PPFIA3: variants seen among roughly 807,000 people sequenced by gnomAD.
The protein encoded by PPFIA3 is PPFI scaffold protein A3, also known as liprin-alpha-3.
PPFIA3 carries 26 observed loss-of-function variants against 145.8 expected under a neutral mutation model. The ratio of observed to expected loss-of-function variants is 0.18; its 90% CI spans 0.13 to 0.25. The LOEUF (loss-of-function observed/expected upper bound fraction) is 0.25, where lower values mean the gene tolerates loss of function less well. Ranked by LOEUF, PPFIA3 falls within the 10% of genes least tolerant of loss-of-function variation. The probability of loss-of-function intolerance (pLI) is 1.00; values close to 1 mark genes in which losing one functional copy is unlikely to be tolerated. For missense variants in PPFIA3, 1,008 were observed against 1,587.8 expected (o/e 0.63, Z 6.21); for synonymous variants, 645 against 661.4 (o/e 0.98, Z 0.38).
chr19:49,146,672 G>C (rs927146054), intron 23 of PPFIA3, among the ~76,000 whole-genome samples: 1 of 152,184 alleles, frequency 6.6e-6, no homozygotes, highest in African/African-American at 2.4e-5. Flanking sequence ...GCTCACGCCT[G>C]TAATTCCAGC....
In PPFIA3 at chr19:49,130,354, T is replaced by C. The variant is rs1371468861; in HGVS notation, c.658-24T>C. 1.9e-6 allele frequency: 3 copies of C among 1,566,228 alleles called. No individual in the cohort carries two copies. The highest frequency in any genetic ancestry group is 2.6e-6 in the Non-Finnish European group (3 of 1,151,978). On this transcript the variant is annotated intron_variant, in intron 6 of 29. Coordinates refer to ENST00000334186, the MANE Select transcript of PPFIA3 (RefSeq NM_003660.4). The surrounding 1 kb of genome is among the most constrained non-coding windows in gnomAD (Gnocchi z 4.5). ...TGTCTCCGGAGACACTCTGGGATCT[T>C]GTCCCCTCCTTCCCTCACTCCAGAC... is the stretch of plus-strand genomic sequence containing the variant.
chr19:49,149,469 AG>A lies in PPFIA3; in HGVS notation c.3355-77del. On this transcript the variant is annotated intron_variant, in intron 27 of 29. Coordinates refer to ENST00000334186, the MANE Select transcript of PPFIA3 (RefSeq NM_003660.4). This position sits in a 1 kb window ranked among gnomAD's most constrained non-coding sequence, Gnocchi z 5.7. ...GGGTTAAAGGAGAGGTGAGACCCGG[AG>A]AGGGGTGGAGTCAAAGGAAGGGGCG... 6.3e-7 allele frequency: 1 copy of A among 1,591,940 alleles called. No individual in the cohort carries two copies. Among genetic ancestry groups the A allele is most frequent in the Non-Finnish European group, 8.6e-7 (1 of 1,162,650 alleles).
rs145252310 is a variant in PPFIA3 at position 49,141,428 on chromosome 19, C to A, written c.2377C>A (p.Pro793Thr). ...CCCCTCCCTGCCTCCAGCTGGAACA[C>A]CCTCAGATGAGACACTGGCCACTGA... Reference protein sequence around the residue: ...GRDSSSLAGTPSDETLATDPL... With the variant: ...GRDSSSLAGTTSDETLATDPL... Residue 793 changes from proline (P) to threonine (T), a missense_variant, in exon 19 of 30, where the codon CCC becomes ACC. Pro to Thr is a conservative substitution (Grantham distance 38). Coordinates refer to ENST00000334186, the MANE Select transcript of PPFIA3 (RefSeq NM_003660.4). 1.6e-3 allele frequency: 2,527 copies of A among 1,613,854 alleles called. 2 individuals are homozygous for A. The highest frequency in any genetic ancestry group is 2.0e-3 in the Non-Finnish European group (2,352 of 1,179,866).
At position 49,138,346 on chromosome 19, in the gene PPFIA3, C is replaced by A; in HGVS notation, c.1995C>A (p.Ala665=). The change falls in exon 16 of 30, where the codon GCC becomes GCA. Residue 665 remains alanine (A), a synonymous_variant. Coordinates refer to ENST00000334186, the MANE Select transcript of PPFIA3 (RefSeq NM_003660.4). ...CCTCCCTCACCACCTCTACCCTTGC[C>A]AGCCCCTCCCCTCCCAGCTCTGGCC... The part of the protein sequence containing the change: ...LPPSLTTSTL[A]SPSPPSSGHS... 1.2e-6 allele frequency: 2 copies of A among 1,610,270 alleles called. No homozygotes were observed.
At position 49,148,869 on chromosome 19, in the gene PPFIA3, C is replaced by A. The variant is rs533074224; in HGVS notation, c.3109+106C>A. The A allele has an allele frequency of 1.8e-5, 23 of 1,299,294 alleles. No homozygotes were observed. The African/African-American group carries it at 6.2e-4, about 35-fold the overall frequency. 80.5% of individuals were successfully genotyped at this position (1,299,294 alleles called of 1,614,324 possible). A position where few individuals can be genotyped will look rare whatever the true frequency, so the allele number is the denominator to read the frequency against. On this transcript the variant is annotated intron_variant, in intron 25 of 29. Coordinates refer to ENST00000334186, the MANE Select transcript of PPFIA3 (RefSeq NM_003660.4). ...CCGGAGAAGCAAATTGGCACCATAACCGTGGGGGTGGAGCCAGCGTGGGGG... is the reference window on the plus strand; with the variant it reads ...CCGGAGAAGCAAATTGGCACCATAAACGTGGGGGTGGAGCCAGCGTGGGGG...
chr19:49,128,378 T>C lies in PPFIA3; in HGVS notation c.252T>C (p.Ala84=). The change falls in exon 3 of 30, where the codon GCT becomes GCC. Residue 84 remains alanine (A), a synonymous_variant. Transcript: ENST00000334186. This position sits in a 1 kb window ranked among gnomAD's most constrained non-coding sequence, Gnocchi z 4.1. ...CAATGTCTGGACAGGAGTTTGCAGCTCTGACGAAGGAGCTGAACTTATGTC... is the reference window on the plus strand; with the variant it reads ...CAATGTCTGGACAGGAGTTTGCAGCCCTGACGAAGGAGCTGAACTTATGTC... The part of the protein sequence containing the change: ...LSIALPQEFA[A]LTKELNLCRE... 6.2e-7 allele frequency: 1 copy of C among 1,613,834 alleles called. No individual in the cohort carries two copies. Among genetic ancestry groups the C allele is most frequent in the Middle Eastern group, 1.6e-4 (1 of 6,062 alleles).
In PPFIA3 at chr19:49,133,333, G is replaced by A; in HGVS notation, c.1123G>A (p.Glu375Lys). Reference protein sequence around the residue: ...LQKAETLPEIEAQLAQRVAAL... With the variant: ...LQKAETLPEIKAQLAQRVAAL... ...GAAAGCGGAGACCTTGCCCGAGATA[G>A]AGGCGCAGCTGGCGCAGCGCGTGGC... Residue 375 changes from glutamate to lysine, a missense_variant, in exon 9 of 30, where the codon GAG becomes AAG. By Grantham distance (56) the Glu-to-Lys change is moderately conservative. Coordinates refer to ENST00000334186, the MANE Select transcript of PPFIA3 (RefSeq NM_003660.4). The surrounding 1 kb of genome is among the most constrained non-coding windows in gnomAD (Gnocchi z 7.2). 1 of 1,609,252 alleles carries A rather than the reference G, an allele frequency of 6.2e-7. No individual in the cohort carries two copies. Among genetic ancestry groups the A allele is most frequent in the South Asian group, 1.1e-5 (1 of 90,904 alleles).
rs1331867348 is a variant in PPFIA3, at chr19:49,133,199, C to T, written c.1027-38C>T. ...GGGGGCGGTGCCGGGGCCCAAGTGA[C>T]CCAGCCCGTCCCCTCCCCCTGCCTC... On this transcript the variant is annotated intron_variant, in intron 8 of 29. Transcript: ENST00000334186. This position sits in a 1 kb window ranked among gnomAD's most constrained non-coding sequence, Gnocchi z 7.2. 2 of 1,584,450 alleles carry T rather than the reference C, an allele frequency of 1.3e-6. No individual in the cohort carries two copies. The highest frequency in any genetic ancestry group is 2.7e-5 in the African/African-American group (2 of 73,940).
At position 49,128,256 on chromosome 19, in the gene PPFIA3, A is replaced by T. The variant is rs1274137695; in HGVS notation, c.241-111A>T. The T allele has an allele frequency of 4.0e-6, 6 of 1,487,836 alleles. No homozygotes were observed. The allele number at this position is 1,487,836 out of a possible 1,614,324, so 92.2% of individuals were successfully genotyped here. Reference sequence around the variant, plus strand: ...ATGGGCGGGGCCTGAGTGGCAAGGGACAGCGGGACTTAGCAGGGAGGGCGG... The same window carrying T: ...ATGGGCGGGGCCTGAGTGGCAAGGGTCAGCGGGACTTAGCAGGGAGGGCGG... On this transcript the variant is annotated intron_variant, in intron 2 of 29. Transcript: ENST00000334186. This position sits in a 1 kb window ranked among gnomAD's most constrained non-coding sequence, Gnocchi z 4.1.
chr19:49,149,148 A>G lies in PPFIA3; in HGVS notation c.3265A>G (p.Ile1089Val). 1 of 1,614,028 alleles carries G rather than the reference A, an allele frequency of 6.2e-7. No homozygotes were observed. Among genetic ancestry groups the G allele is most frequent in the Non-Finnish European group, 8.5e-7 (1 of 1,179,966 alleles). The change falls in exon 26 of 30, where the codon ATC becomes GTC. Residue 1089 changes from isoleucine (I) to valine (V), a missense_variant. Ile to Val is a conservative substitution (Grantham distance 29). Transcript: ENST00000334186. This position sits in a 1 kb window ranked among gnomAD's most constrained non-coding sequence, Gnocchi z 5.7. ...CTCCGACCTGGCCTTGCTCCTGCAGATCCCCACGCAGAATGCACAGGTGAG... is the reference window on the plus strand; with the variant it reads ...CTCCGACCTGGCCTTGCTCCTGCAGGTCCCCACGCAGAATGCACAGGTGAG... ...DYSDLALLLQIPTQNAQARQL... is the reference protein window; with the variant it reads ...DYSDLALLLQVPTQNAQARQL...
intron 13 of PPFIA3, 43 bp downstream of exon 13, chr19:49,134,958 T>A (rs567712624): frequency 6.7e-7 from 1 of 1,496,450 alleles, no homozygotes; most frequent in East Asian, 2.3e-5. Flanking sequence ...TGGAGCCCCG[T>A]TGGCCAAGCG....
Position 49,149,396 on chromosome 19 carries a change from GC to G in PPFIA3, c.3354+73del, listed in dbSNP as rs1314158018. The G allele has an allele frequency of 6.3e-7, 1 of 1,599,144 alleles. No individual in the cohort carries two copies. ...CGAGAGGCTGAGCTGAGGGGGCGGG[GC>G]CTGACTATTAATGGTCACGGTTGGA... On this transcript the variant is annotated intron_variant, in intron 27 of 29. Transcript: ENST00000334186. This position sits in a 1 kb window ranked among gnomAD's most constrained non-coding sequence, Gnocchi z 5.7.
In PPFIA3 at chr19:49,150,448, G is replaced by T. The variant is rs867746122; in HGVS notation, c.*226G>T. 2.3e-5 allele frequency: 7 copies of T among 300,128 alleles called. No homozygotes were observed. Among genetic ancestry groups the T allele is most frequent in the South Asian group, 1.1e-4 (1 of 9,040 alleles). The allele number at this position is 300,128 out of a possible 1,614,324, so 18.6% of individuals were successfully genotyped here. The stretch of plus-strand genomic sequence containing the variant: ...GACTGAGAGGGGGAAGAAGCGGGGA[G>T]GAAGAAATCCCGCCCCAAACGTCCG... On this transcript the variant is annotated 3_prime_UTR_variant, in exon 30 of 30. Transcript: ENST00000334186.
chr19:49,133,415 G>A lies in PPFIA3; in HGVS notation c.1161+44G>A. 3 of 1,531,944 alleles carry A rather than the reference G, an allele frequency of 2.0e-6. No individual in the cohort carries two copies. The highest frequency in any genetic ancestry group is 2.8e-5 in the African/African-American group (2 of 72,342). 94.9% of individuals were successfully genotyped at this position (1,531,944 alleles called of 1,614,324 possible). A position where few individuals can be genotyped will look rare whatever the true frequency, so the allele number is the denominator to read the frequency against. On this transcript the variant is annotated intron_variant, in intron 9 of 29. Transcript: ENST00000334186. The surrounding 1 kb of genome is among the most constrained non-coding windows in gnomAD (Gnocchi z 7.2). ...TCGGGGCCTTGCGTGGGGAAGGGGT[G>A]GGGCCTAGAGGAGGCGGGGCCGTGA...
chr19:49,136,894 C>T lies in PPFIA3; in HGVS notation c.1836C>T (p.Ala612=). Reference sequence around the variant, plus strand: ...TCATGCTTCAGGAGCAGCTGGAGGCCATCAACAAGGAGATCAAGTGAGCCC... The same window carrying T: ...TCATGCTTCAGGAGCAGCTGGAGGCTATCAACAAGGAGATCAAGTGAGCCC... The part of the protein sequence containing the change: ...LAIMLQEQLE[A]INKEIKLIQE... Residue 612 remains alanine, a synonymous_variant, in exon 15 of 30, where the codon GCC becomes GCT. Coordinates refer to ENST00000334186, the MANE Select transcript of PPFIA3 (RefSeq NM_003660.4). 1 of 1,557,536 alleles carries T rather than the reference C, an allele frequency of 6.4e-7. No homozygotes were observed. Among genetic ancestry groups the T allele is most frequent in the African/African-American group, 1.4e-5 (1 of 74,014 alleles).
Position 49,130,044 on chromosome 19 carries a change from C to T in PPFIA3, c.634C>T (p.Pro212Ser), listed in dbSNP as rs749872190. 1 of 1,613,076 alleles carries T rather than the reference C, an allele frequency of 6.2e-7. No individual in the cohort carries two copies. Among genetic ancestry groups the T allele is most frequent in the Non-Finnish European group, 8.5e-7 (1 of 1,179,688 alleles). ...LSRRRSGLEEPGKDGDGQTLA... is the reference protein window; with the variant it reads ...LSRRRSGLEESGKDGDGQTLA... The stretch of plus-strand genomic sequence containing the variant: ...TAGGCGGCGGTCAGGGCTGGAAGAG[C>T]CGGGCAAGGATGGGGATGGGCAGGT... Residue 212 changes from proline (P) to serine (S), a missense_variant, in exon 6 of 30, where the codon CCG becomes TCG. Physicochemically the swap from Pro to Ser is moderately conservative, Grantham distance 74. Around this residue, in one of 11 missense-constraint regions of PPFIA3, gnomAD observed 136 missense variants for 160.7 expected, o/e 0.85. Coordinates refer to ENST00000334186, the MANE Select transcript of PPFIA3 (RefSeq NM_003660.4). The surrounding 1 kb of genome is among the most constrained non-coding windows in gnomAD (Gnocchi z 4.5).
chr19:49,138,916 A>G (rs1364309142), intron 16 of PPFIA3, among the ~76,000 whole-genome samples: 1 of 152,024 alleles, frequency 6.6e-6, no homozygotes, highest in African/African-American at 2.4e-5. Context: ...GTTTGCAGTG[A>G]GTTGAAATTG....
chr19:49,144,712 C>CA (rs112328082), intron 21 of PPFIA3, among the ~76,000 whole-genome samples: 1,919 of 139,032 alleles, frequency 0.014, 28 homozygotes, highest in East Asian at 0.053. Context: ...AGAGTGCATC[C>CA]AAAAAAAAAA....
rs768820611 is a variant in PPFIA3, at chr19:49,128,927, A to C, written c.422A>C (p.Gln141Pro). ...LRMTVVKRQAQSPGGVSSEVE... is the reference protein window; with the variant it reads ...LRMTVVKRQAPSPGGVSSEVE... ...ATGACCGTGGTGAAGCGCCAGGCCC[A>C]GTCCCCGGGTGGGGTCTCCTCGGAG... Residue 141 changes from glutamine to proline, a missense_variant, in exon 4 of 30, where the codon CAG (glutamine) becomes CCG (proline). Coordinates refer to ENST00000334186, the MANE Select transcript of PPFIA3 (RefSeq NM_003660.4). This position sits in a 1 kb window ranked among gnomAD's most constrained non-coding sequence, Gnocchi z 4.1. 6.2e-7 allele frequency: 1 copy of C among 1,613,980 alleles called. No homozygotes were observed. Among genetic ancestry groups the C allele is most frequent in the Non-Finnish European group, 8.5e-7 (1 of 1,179,958 alleles).
Sources: allele counts gnomAD v4.1 joint callset (sites outside exome capture counted in the v4.1 genomes callset), GRCh38; gene constraint gnomAD v4.1.1; regional missense constraint gnomAD v4.1.1; non-coding constraint Gnocchi (gnomAD v3.1); transcripts MANE v1.5; gene names NCBI Gene and HGNC (gene_info 2026-07-23, HGNC 2026-07-21).